Variants in UST observed in about 807,000 individuals in gnomAD.
UST encodes the protein uronyl 2-sulfotransferase.
In UST, 21 loss-of-function variants were observed where a neutral mutation model predicts 45.6. That is an observed-to-expected ratio of 0.46 (90% CI 0.33 to 0.66). The LOEUF (loss-of-function observed/expected upper bound fraction) is 0.66, where lower values mean the gene tolerates loss of function less well. UST is among the 30% of genes least tolerant of loss of function. The pLI, the probability that UST is intolerant of heterozygous loss-of-function variation, is 0.02. For synonymous variants in UST, 215 were observed against 200.6 expected (o/e 1.07, Z -0.61); for missense variants, 463 against 512.4 (o/e 0.90, Z 0.93).
Position 148,941,334 on chromosome 6 carries a change from G to A in UST, c.347G>A (p.Arg116His), listed in dbSNP as rs754997676. The change falls in exon 3 of 8, where the codon CGT (arginine) becomes CAT (histidine). Residue 116 changes from arginine to histidine, a missense_variant. By Grantham distance (29) the Arg-to-His change is conservative. This residue lies in a region of UST where 287 missense variants were observed against 374.2 expected (regional missense o/e 0.77). Transcript: ENST00000367463. The part of the protein sequence containing the change: ...VYNRVGKCGS[R>H]TVVLLLRILS... ...AACAGGGTAGGCAAGTGTGGGAGCC[G>A]TACTGTGGTCTTGCTTCTGAGAATC... The A allele has an allele frequency of 8.7e-6, 14 of 1,612,954 alleles. No homozygotes were observed. Among genetic ancestry groups the A allele is most frequent in the South Asian group, 2.2e-5 (2 of 90,746 alleles).
chr6:148,805,760 C>T (rs1199255156), intron 1 of UST, among the ~76,000 whole-genome samples: 1 of 152,046 alleles, frequency 6.6e-6, no homozygotes, highest in Non-Finnish European at 1.5e-5. Flanking sequence ...TTTAAATTTC[C>T]TCTGCTGTGT....
chr6:148,773,937 C>A (rs1185929826), intron 1 of UST, among the ~76,000 whole-genome samples: 4 of 152,152 alleles, frequency 2.6e-5, no homozygotes, highest in Non-Finnish European at 4.4e-5. Context: ...TCTTGCGGCC[C>A]AATTCCCACC....
At chr6:148,853,056 C>T (rs1164750899) in intron 1 of UST, among the ~76,000 whole-genome samples, 1 of 152,178 alleles carries the variant, frequency 6.6e-6, no homozygotes, top group Admixed American at 6.5e-5. Context: ...CCTATCAACC[C>T]ATCACGTAGG....
intron 5 of UST, among the ~76,000 whole-genome samples, chr6:148,991,812 C>T (rs1781359154): frequency 6.6e-6 from 1 of 152,086 alleles, no homozygotes. Context: ...TTATTATATA[C>T]ATTTAAGCAT....
intron 2 of UST, among the ~76,000 whole-genome samples, chr6:148,931,533 A>G (rs182351935): frequency 1.4e-4 from 22 of 152,246 alleles, no homozygotes; most frequent in African/African-American, 5.3e-4. Flanking sequence ...ATTGATTAAT[A>G]CTAAAAATGG....
At chr6:148,876,178 C>G (rs1459643426) in intron 1 of UST, among the ~76,000 whole-genome samples, 2 of 152,002 alleles carry the variant, frequency 1.3e-5, no homozygotes, top group African/African-American at 4.8e-5. Context: ...TCTCACAGGA[C>G]TAGACAGGAA....
Position 148,949,333 on chromosome 6 carries a change from A to ATAC in UST, c.448-4537_448-4535dup, listed in dbSNP as rs1355375447. 3.1e-4 allele frequency among the ~76,000 whole-genome samples: 43 copies of ATAC among 137,174 alleles called. 2 individuals carry two copies. Among genetic ancestry groups the ATAC allele is most frequent in the Admixed American group, 1.1e-3 (15 of 13,508 alleles). 90.0% of individuals were successfully genotyped at this position (137,174 alleles called of 152,430 possible). On this transcript the variant is annotated intron_variant, in intron 3 of 7. Coordinates refer to ENST00000367463, the MANE Select transcript of UST (RefSeq NM_005715.3). ...AATAATAATAATAATAATAATAATA[A>ATAC]TACTTATCCGTGGGTTTCTTGTCCA... is the stretch of plus-strand genomic sequence containing the variant.
intron 1 of UST, among the ~76,000 whole-genome samples, chr6:148,785,454 A>G (rs1582810689): frequency 6.6e-6 from 1 of 152,340 alleles, no homozygotes; most frequent in Middle Eastern, 3.4e-3. Flanking sequence ...GGGTTAAATG[A>G]GGCAATGCAA....
At chr6:149,023,145 T>TGTGTG (rs1319252525) in intron 7 of UST, among the ~76,000 whole-genome samples, 2 of 110,752 alleles carry the variant, frequency 1.8e-5, no homozygotes, top group Admixed American at 9.0e-5. Flanking sequence ...TGTGTGTGTG[T>TGTGTG]GTGTGGTGTG....
intron 7 of UST, among the ~76,000 whole-genome samples, chr6:149,064,478 A>ATGATGG (rs1389240319): frequency 6.6e-6 from 1 of 152,284 alleles, no homozygotes; most frequent in Admixed American, 6.5e-5. Flanking sequence ...GATGATGATG[A>ATGATGG]TGATGGTGAT....
chr6:148,831,528 T>C (rs898615950), intron 1 of UST, among the ~76,000 whole-genome samples: 2 of 152,204 alleles, frequency 1.3e-5, no homozygotes, highest in African/African-American at 4.8e-5. Flanking sequence ...ATTTATATAG[T>C]GCTTATCGGA....
At chr6:149,062,078 T>G (rs1043672521) in intron 7 of UST, among the ~76,000 whole-genome samples, 1 of 152,258 alleles carries the variant, frequency 6.6e-6, no homozygotes, top group African/African-American at 2.4e-5. Flanking sequence ...AGACGGTGGC[T>G]TCTACATAGC....
chr6:148,966,878 AG>A (rs1284861536), intron 5 of UST, among the ~76,000 whole-genome samples: 4 of 152,172 alleles, frequency 2.6e-5, no homozygotes, highest in Non-Finnish European at 5.9e-5. Context: ...CTAGGACTAC[AG>A]GTGCTTCCCA....
intron 7 of UST, among the ~76,000 whole-genome samples, chr6:149,038,572 G>A (rs1260308595): frequency 2.6e-5 from 4 of 152,128 alleles, no homozygotes. Context: ...AAAACTATGA[G>A]AGAATAAACT....
At chr6:148,964,605 G>C in intron 5 of UST, 42 bp downstream of exon 5, 1 of 1,606,190 alleles carries the variant, frequency 6.2e-7, no homozygotes, top group Middle Eastern at 2.2e-4. Context: ...CCCACTGCCT[G>C]AGGAGTGGGC....
intron 2 of UST, among the ~76,000 whole-genome samples, chr6:148,910,227 G>A (rs1177015521): frequency 7.3e-6 from 1 of 137,168 alleles, no homozygotes; most frequent in African/African-American, 2.8e-5. Flanking sequence ...CACAACCTCC[G>A]CCTCCTGGGT....
At chr6:148,778,277 A>G (rs1293717966) in intron 1 of UST, among the ~76,000 whole-genome samples, 1 of 151,448 alleles carries the variant, frequency 6.6e-6, no homozygotes. Flanking sequence ...GCCACTCAGA[A>G]AGGGTTGTTA....
At chr6:149,036,698 C>T (rs1217754010) in intron 7 of UST, among the ~76,000 whole-genome samples, 2 of 152,234 alleles carry the variant, frequency 1.3e-5, no homozygotes, top group Non-Finnish European at 2.9e-5. Flanking sequence ...GTAGCACTGC[C>T]TTCAGCATCT....
intron 7 of UST, among the ~76,000 whole-genome samples, chr6:149,055,198 A>C (rs1776545358): frequency 6.6e-6 from 1 of 152,218 alleles, no homozygotes; most frequent in Admixed American, 6.5e-5. Context: ...AGAATGTAGG[A>C]GCAATTAGAA....
Sources: allele counts gnomAD v4.1 joint callset (sites outside exome capture counted in the v4.1 genomes callset), GRCh38; gene constraint gnomAD v4.1.1; regional missense constraint gnomAD v4.1.1; transcripts MANE v1.5; gene names NCBI Gene and HGNC (gene_info 2026-07-23, HGNC 2026-07-21).